The following PCDHA10 variants were observed in gnomAD, a reference collection of about 807,000 sequenced individuals.
The protein encoded by PCDHA10 is protocadherin alpha 10, also known as protocadherin alpha-10.
In PCDHA10, 45 loss-of-function variants were observed where a neutral mutation model predicts 61.2. The observed-to-expected ratio is 0.74, with a 90% CI of 0.58 to 0.94. The LOEUF is 0.94. Among genes scored for constraint, PCDHA10 ranks in the 40% least tolerant of loss-of-function variants. The pLI is 0.00. For missense variants in PCDHA10, 1,278 were observed against 1,236.2 expected (o/e 1.03, Z -0.51); for synonymous variants, 602 against 548.8 (o/e 1.10, Z -1.35).
intron 1 of PCDHA10, among the ~76,000 whole-genome samples, chr5:140,939,008 T>C (rs1348323675): frequency 6.6e-6 from 1 of 152,234 alleles, no homozygotes; most frequent in Non-Finnish European, 1.5e-5. Context: ...TTAAGAAGTG[T>C]TACTTTTCTT....
chr5:141,000,080 G>T (rs1554257118), intron 3 of PCDHA10, among the ~76,000 whole-genome samples: 1 of 152,068 alleles, frequency 6.6e-6, no homozygotes, highest in Non-Finnish European at 1.5e-5. Context: ...ACAATGCTAG[G>T]CCTGTGAATG....
intron 1 of PCDHA10, chr5:140,927,270 C>A (rs541200655): frequency 1.2e-6 from 2 of 1,614,034 alleles, no homozygotes; most frequent in Non-Finnish European, 1.7e-6. Context: ...TCTTTCCTGC[C>A]GGCGACGTGC....
At chr5:140,875,577 C>G in intron 1 of PCDHA10, 1 of 1,614,082 alleles carries the variant, frequency 6.2e-7, no homozygotes, top group Non-Finnish European at 8.5e-7. Context: ...ACTACTCCGT[C>G]TACGAGGAGG....
rs782517492 is a variant in PCDHA10, at chr5:140,857,455, A to G, written c.1407A>G (p.Pro469=). The G allele has an allele frequency of 3.4e-5, 54 of 1,598,538 alleles. 6 individuals carry two copies. Among genetic ancestry groups the G allele is most frequent in the Admixed American group, 1.0e-4 (6 of 59,344 alleles). Residue 469 remains proline, a synonymous_variant, in exon 1 of 4, where the codon CCA becomes CCG. Transcript: ENST00000307360. ...YTVFVKENNP[P]GCHIFTVSAW... ...TGTTCGTGAAGGAGAACAACCCGCC[A>G]GGCTGCCACATCTTCACGGTGTCTG...
intron 1 of PCDHA10, chr5:140,866,000 TAA>T (rs1485805064): frequency 6.6e-6 from 1 of 152,190 alleles, no homozygotes; most frequent in Non-Finnish European, 1.5e-5. Flanking sequence ...TTTTTTATGT[TAA>T]GTGATTTTTT....
At chr5:140,921,992 C>T (rs963694302) in intron 1 of PCDHA10, among the ~76,000 whole-genome samples, 1 of 151,726 alleles carries the variant, frequency 6.6e-6, no homozygotes, top group East Asian at 1.9e-4. Context: ...AAAAAGAGTT[C>T]AATGAAATGA....
chr5:140,895,500 G>A (rs1554186539), intron 1 of PCDHA10, among the ~76,000 whole-genome samples: 2 of 152,046 alleles, frequency 1.3e-5, no homozygotes, highest in African/African-American at 2.4e-5. Context: ...CAGAACTTTT[G>A]CCCAATTTTT....
chr5:140,930,423 A>G (rs1366004853), intron 1 of PCDHA10: 3 of 151,862 alleles, frequency 2.0e-5, no homozygotes, highest in African/African-American at 7.3e-5. Flanking sequence ...GGGTCTCACT[A>G]TGTTGCCCAG....
At chr5:140,937,844 G>A (rs926736710) in intron 1 of PCDHA10, among the ~76,000 whole-genome samples, 7 of 149,606 alleles carry the variant, frequency 4.7e-5, no homozygotes, top group Non-Finnish European at 8.9e-5. Context: ...CCTGGAAGGC[G>A]GAACTTGGAG....
chr5:140,856,123 G>A lies in PCDHA10; in HGVS notation c.75G>A (p.Val25=), dbSNP rs782708607. The A allele has an allele frequency of 6.3e-7, 1 of 1,598,078 alleles. No individual in the cohort carries two copies. The highest frequency in any genetic ancestry group is 1.3e-5 in the African/African-American group (1 of 74,266). The change falls in exon 1 of 4, where the codon GTG becomes GTA. Residue 25 remains valine (V), a synonymous_variant. Coordinates refer to ENST00000307360, the MANE Select transcript of PCDHA10 (RefSeq NM_018901.4). ...LSLLLLAAWE[V]GSGQLHYSVY... ...TTCTTCTCCTCGCAGCCTGGGAGGT[G>A]GGGAGCGGCCAGCTCCACTACTCAG...
chr5:140,870,263 C>T (rs1581940012), intron 1 of PCDHA10: 2 of 1,614,182 alleles, frequency 1.2e-6, no homozygotes, highest in East Asian at 4.5e-5. Flanking sequence ...GTGACCTGCT[C>T]GCTGACGCCC....
chr5:140,868,952 C>A, intron 1 of PCDHA10: 7 of 1,342,044 alleles, frequency 5.2e-6, no homozygotes, highest in Non-Finnish European at 7.0e-6. Context: ...CAGTGAGGCA[C>A]TCCCATACAA....
At chr5:140,877,696 T>C (rs1554169994) in intron 1 of PCDHA10, 1 of 1,613,838 alleles carries the variant, frequency 6.2e-7, no homozygotes, top group South Asian at 1.1e-5. Flanking sequence ...GCTGGTGTGC[T>C]CCAGCGCCGT....
chr5:140,869,998 G>A (rs782322898), intron 1 of PCDHA10: 1 of 1,613,436 alleles, frequency 6.2e-7, no homozygotes. Context: ...TCAAAATAAT[G>A]GAGAAGTGAG....
At chr5:140,970,911 T>C (rs1003828575) in intron 1 of PCDHA10, among the ~76,000 whole-genome samples, 2 of 152,194 alleles carry the variant, frequency 1.3e-5, no homozygotes, top group East Asian at 3.9e-4. Context: ...ATTTATTCAT[T>C]TATCAGAAGT....
At chr5:140,873,113 C>T (rs2054104761) in intron 1 of PCDHA10, among the ~76,000 whole-genome samples, 1 of 152,114 alleles carries the variant, frequency 6.6e-6, no homozygotes, top group Admixed American at 6.5e-5. Flanking sequence ...TACCATTTGG[C>T]ACAATATTCA....
chr5:140,919,424 T>G (rs1222822099), intron 1 of PCDHA10, among the ~76,000 whole-genome samples: 7 of 152,218 alleles, frequency 4.6e-5, no homozygotes, highest in Non-Finnish European at 2.9e-5. Context: ...CAATTCTGCC[T>G]TTTGATTGGG....
chr5:140,896,583 G>T (rs557774521), intron 1 of PCDHA10, among the ~76,000 whole-genome samples: 1 of 151,654 alleles, frequency 6.6e-6, no homozygotes, highest in South Asian at 2.1e-4. Context: ...TGACGTGTTG[G>T]CCAGGCTGGT....
At chr5:140,863,357 G>GCCAAGCACCGCAGC in intron 1 of PCDHA10, 1 of 1,259,532 alleles carries the variant, frequency 7.9e-7, no homozygotes, top group Non-Finnish European at 1.1e-6. Flanking sequence ...ACGACGCTGC[G>GCCAAGCACCGCAGC]GTGCTTGGCG....
Sources: allele counts gnomAD v4.1 joint callset (sites outside exome capture counted in the v4.1 genomes callset), GRCh38; gene constraint gnomAD v4.1.1; transcripts MANE v1.5; gene names NCBI Gene and HGNC (gene_info 2026-07-23, HGNC 2026-07-21).